Variants in COL8A1 observed in about 807,000 individuals in gnomAD.
COL8A1 encodes the protein collagen alpha-1(VIII) chain.
In COL8A1, 21 loss-of-function variants were observed where a neutral mutation model predicts 42.7. The observed-to-expected ratio is 0.49, with a 90% CI of 0.35 to 0.71. The LOEUF (loss-of-function observed/expected upper bound fraction) is 0.71. COL8A1 is among the 30% of genes least tolerant of loss of function. The probability of loss-of-function intolerance (pLI) is 0.01; values close to 1 mark genes in which losing one functional copy is unlikely to be tolerated. For missense variants in COL8A1, 788 were observed against 962.4 expected (o/e 0.82, Z 2.40); for synonymous variants, 367 against 369.1 (o/e 0.99, Z 0.06).
chr3:99,796,183 A>G lies in COL8A1; in HGVS notation c.*47A>G, dbSNP rs1942106145. The G allele has an allele frequency of 1.5e-6, 2 of 1,368,398 alleles. No homozygotes were observed. The highest frequency in any genetic ancestry group is 1.7e-5 in the South Asian group (1 of 57,674). The allele number at this position is 1,368,398 out of a possible 1,614,324, so 84.8% of individuals were successfully genotyped here. ...AGAAAAGAAAGAGATTTTATAGAAG[A>G]AAATGACACACCAAAAAATCCAAAT... On this transcript the variant is annotated 3_prime_UTR_variant, in exon 4 of 4. Transcript: ENST00000652472.
At chr3:99,706,840 C>A (rs1939692403) in intron 1 of COL8A1, among the ~76,000 whole-genome samples, 1 of 152,134 alleles carries the variant, frequency 6.6e-6, no homozygotes, top group African/African-American at 2.4e-5. Flanking sequence ...TTCTTGAAAT[C>A]ACCGCAAAAG....
chr3:99,725,106 C>T (rs1315267349), intron 1 of COL8A1, among the ~76,000 whole-genome samples: 2 of 151,968 alleles, frequency 1.3e-5, no homozygotes, highest in Non-Finnish European at 2.9e-5. Context: ...CTGAAAGAGG[C>T]TTAATTTAGA....
chr3:99,780,838 C>T lies in COL8A1; in HGVS notation c.-3-9842C>T, dbSNP rs191018337. 9.8e-5 allele frequency among the ~76,000 whole-genome samples: 15 copies of T among 152,296 alleles called. No homozygotes were observed. In the East Asian group the frequency reaches 2.7e-3, roughly 27 times the overall value. ...ACCTTATGATTTTTCCTCCCAGACA[C>T]CACATCCATCTCTCTATCCCTCAAA... On this transcript the variant is annotated intron_variant, in intron 2 of 3. Coordinates refer to ENST00000652472, the MANE Select transcript of COL8A1 (RefSeq NM_020351.4).
intron 1 of COL8A1, among the ~76,000 whole-genome samples, chr3:99,640,240 G>A (rs1021409190): frequency 8.5e-5 from 13 of 152,176 alleles, no homozygotes; most frequent in African/African-American, 2.7e-4. Flanking sequence ...TATGTGACCT[G>A]AGCATATTAA....
At chr3:99,788,690 T>A (rs1014671927) in intron 2 of COL8A1, among the ~76,000 whole-genome samples, 2 of 152,194 alleles carry the variant, frequency 1.3e-5, no homozygotes, top group Non-Finnish European at 2.9e-5. Flanking sequence ...AGAAATTTGT[T>A]TAGATGCACA....
chr3:99,692,857 C>T (rs142836245), intron 1 of COL8A1, among the ~76,000 whole-genome samples: 49 of 152,308 alleles, frequency 3.2e-4, no homozygotes, highest in East Asian at 1.5e-3. Flanking sequence ...GCACTGCCAG[C>T]GGTATAAAAG....
At chr3:99,689,754 A>ATG (rs762302583) in intron 1 of COL8A1, among the ~76,000 whole-genome samples, 10,611 of 152,226 alleles carry the variant, frequency 0.07, 530 homozygotes, top group Non-Finnish European at 0.089. Context: ...TTTGAAAAAC[A>ATG]CAGACCTGGA....
intron 3 of COL8A1, among the ~76,000 whole-genome samples, chr3:99,791,267 T>G (rs1000970440): frequency 2.0e-5 from 3 of 152,248 alleles, no homozygotes; most frequent in African/African-American, 7.2e-5. Flanking sequence ...ACAAATAGTC[T>G]ATCCCCTTAT....
intron 1 of COL8A1, among the ~76,000 whole-genome samples, chr3:99,723,402 G>C (rs145672264): frequency 6.6e-6 from 1 of 152,144 alleles, no homozygotes; most frequent in African/African-American, 2.4e-5. Flanking sequence ...ACAATGCTCA[G>C]GATGTCAAAG....
chr3:99,692,569 A>G (rs1939251720), intron 1 of COL8A1, among the ~76,000 whole-genome samples: 1 of 152,230 alleles, frequency 6.6e-6, no homozygotes, highest in Non-Finnish European at 1.5e-5. Context: ...TTGAATGAAC[A>G]ATTGATCACA....
intron 2 of COL8A1, among the ~76,000 whole-genome samples, chr3:99,781,598 C>A (rs1941794672): frequency 6.6e-6 from 1 of 152,132 alleles, no homozygotes; most frequent in Non-Finnish European, 1.5e-5. Flanking sequence ...TAATGGATTA[C>A]ATTAGATGAA....
intron 1 of COL8A1, among the ~76,000 whole-genome samples, chr3:99,639,166 C>G (rs1359353700): frequency 6.6e-6 from 1 of 152,054 alleles, no homozygotes; most frequent in Non-Finnish European, 1.5e-5. Flanking sequence ...CAGGTTTTAG[C>G]GCTTGGAAAA....
At chr3:99,736,165 G>T (rs1027034195) in intron 1 of COL8A1, among the ~76,000 whole-genome samples, 2 of 151,868 alleles carry the variant, frequency 1.3e-5, no homozygotes, top group Non-Finnish European at 2.9e-5. Context: ...GTTCTGCTCC[G>T]ATTTTAGTTA....
intron 1 of COL8A1, among the ~76,000 whole-genome samples, chr3:99,640,125 T>C (rs909926734): frequency 7.9e-5 from 12 of 152,318 alleles, no homozygotes; most frequent in Middle Eastern, 3.4e-3. Context: ...AAGAGTTATA[T>C]ATAAAGCTTC....
At chr3:99,790,609 A>G (rs1339349899) in intron 2 of COL8A1, 71 bp from the exon 3 acceptor site, 5 of 1,257,224 alleles carry the variant, frequency 4.0e-6, no homozygotes, top group Admixed American at 2.2e-5. Flanking sequence ...TCCCCATTCT[A>G]TCTCTAAATA....
Position 99,790,868 on chromosome 3 carries a change from T to G in COL8A1, c.186T>G (p.Pro62=). 1 of 1,614,254 alleles carries G rather than the reference T, an allele frequency of 6.2e-7. No individual in the cohort carries two copies. The highest frequency in any genetic ancestry group is 8.5e-7 in the Non-Finnish European group (1 of 1,180,042). The change falls in exon 3 of 4, where the codon CCT becomes CCG. Residue 62 remains proline, a synonymous_variant. Transcript: ENST00000652472. ...TGGGTCAGCAAGTACCTCACATGCC[T>G]TTGGCCAAAGATGGCCTTGCCATGG... ...QPLGQQVPHM[P]LAKDGLAMGK...
At chr3:99,729,195 G>A (rs1457782692) in intron 1 of COL8A1, among the ~76,000 whole-genome samples, 1 of 151,960 alleles carries the variant, frequency 6.6e-6, no homozygotes, top group South Asian at 2.1e-4. Flanking sequence ...TATAGTATGA[G>A]GGCCTAACTT....
intron 1 of COL8A1, chr3:99,691,705 A>ATTTT (rs1559780193): frequency 1.6e-5 from 2 of 127,936 alleles, no homozygotes; most frequent in Non-Finnish European, 3.3e-5. Context: ...TTTTTTTTAA[A>ATTTT]AAAAAAAAAA....
chr3:99,740,955 A>G lies in COL8A1; in HGVS notation c.-128-3942A>G, dbSNP rs570663172. Among the ~76,000 whole-genome samples, 4 of 152,288 alleles carry G rather than the reference A, an allele frequency of 2.6e-5. No homozygotes were observed. In the South Asian group the frequency reaches 8.3e-4, roughly 32 times the overall value. ...AATAGAACTGTAGTAAACATTTTCT[A>G]TATTATTTACCTTATTTCTGATTAG... On this transcript the variant is annotated intron_variant, in intron 1 of 3. Coordinates refer to ENST00000652472, the MANE Select transcript of COL8A1 (RefSeq NM_020351.4).
Sources: gnomAD v4.1 joint callset for allele counts (sites outside exome capture counted in the v4.1 genomes callset) on GRCh38, gnomAD v4.1.1 for gene constraint, MANE v1.5 for transcripts, NCBI Gene and HGNC (gene_info 2026-07-23, HGNC 2026-07-21) for gene names.